SLC30A9: variants seen among roughly 807,000 people sequenced by gnomAD.
SLC30A9 encodes the protein proton-coupled zinc antiporter SLC30A9, mitochondrial.
A neutral mutation model predicts 87.5 loss-of-function variants in SLC30A9; 58 were observed. The ratio of observed to expected loss-of-function variants is 0.66; its 90% confidence interval spans 0.54 to 0.82. The LOEUF (loss-of-function observed/expected upper bound fraction) is 0.82, where lower values mean the gene tolerates loss of function less well. Among genes scored for constraint, SLC30A9 ranks in the 40% least tolerant of loss-of-function variants. SLC30A9 has a pLI of 0.00. For synonymous variants in SLC30A9, 234 were observed against 233.0 expected (o/e 1.00, Z -0.04); for missense variants, 557 against 679.1 (o/e 0.82, Z 2.00).
intron 8 of SLC30A9, among the ~76,000 whole-genome samples, chr4:42,044,865 C>T (rs1717078938): frequency 6.6e-6 from 1 of 152,232 alleles, no homozygotes. Flanking sequence ...AACAGTCTCT[C>T]AGACCACAGT....
chr4:42,068,860 G>T (rs1039825810), intron 14 of SLC30A9, among the ~76,000 whole-genome samples: 18 of 152,126 alleles, frequency 1.2e-4, no homozygotes, highest in Admixed American at 3.3e-4. Flanking sequence ...CAACCATTTA[G>T]CATGAAAAGA....
chr4:42,077,587 A>G (rs147376576), intron 16 of SLC30A9, among the ~76,000 whole-genome samples: 5,682 of 152,170 alleles, frequency 0.037, 137 homozygotes, highest in African/African-American at 0.042. Flanking sequence ...TATTTTTAGT[A>G]GAGATGGGGT....
rs1371194321 is a variant in SLC30A9, at chr4:42,089,543, G to C, written c.*3417G>C. ...GATTCAAGTGATTCTCCTGCCTCCT[G>C]AGTAGCTGGGATTACAGGCATGCGC... On this transcript the variant is annotated 3_prime_UTR_variant, in exon 18 of 18. Coordinates refer to ENST00000264451, the MANE Select transcript of SLC30A9 (RefSeq NM_006345.4). The C allele has an allele frequency of 2.0e-5, 3 of 152,202 alleles. No homozygotes were observed. Among genetic ancestry groups the C allele is most frequent in the African/African-American group, 7.2e-5 (3 of 41,406 alleles). The allele number at this position is 152,202 out of a possible 1,614,324, so 9.4% of individuals were successfully genotyped here. A position where few individuals can be genotyped will look rare whatever the true frequency, so the allele number is the denominator to read the frequency against.
chr4:42,029,321 TC>T (rs1716322018), intron 6 of SLC30A9: 2 of 525,582 alleles, frequency 3.8e-6, no homozygotes, highest in Non-Finnish European at 7.6e-6. Context: ...ATCATTCTAT[TC>T]TACATAATAT....
intron 2 of SLC30A9, among the ~76,000 whole-genome samples, chr4:42,014,914 G>A (rs1356108358): frequency 6.6e-6 from 1 of 152,170 alleles, no homozygotes; most frequent in Non-Finnish European, 1.5e-5. Context: ...GGGAAGAATA[G>A]TGGGAGGTGG....
At chr4:42,004,664 C>CTTTTTTTT (rs71198699) in intron 2 of SLC30A9, among the ~76,000 whole-genome samples, 1 of 128,322 alleles carries the variant, frequency 7.8e-6, no homozygotes. Flanking sequence ...TTTTCTTTTT[C>CTTTTTTTT]TTTTTTTTTT....
At chr4:42,001,999 A>G (rs1427699741) in intron 2 of SLC30A9, among the ~76,000 whole-genome samples, 1 of 152,014 alleles carries the variant, frequency 6.6e-6, no homozygotes, top group Non-Finnish European at 1.5e-5. Context: ...TACTTAAACT[A>G]AAATTTTAAT....
intron 8 of SLC30A9, among the ~76,000 whole-genome samples, chr4:42,047,323 T>A (rs1717202736): frequency 6.6e-6 from 1 of 152,164 alleles, no homozygotes; most frequent in Admixed American, 6.5e-5. Flanking sequence ...ATTTTTGCAA[T>A]CTATCCATCT....
chr4:42,018,722 G>C lies in SLC30A9; in HGVS notation c.334+552G>C, dbSNP rs1472690434. ...AGTGCTTACCAGCTGGCTGACCTTGGGCAATTTACTTGACTTCTCTGAGGC... is the reference window on the plus strand; with the variant it reads ...AGTGCTTACCAGCTGGCTGACCTTGCGCAATTTACTTGACTTCTCTGAGGC... On this transcript the variant is annotated intron_variant, in intron 3 of 17. Transcript: ENST00000264451. Among the ~76,000 whole-genome samples the C allele has an allele frequency of 2.0e-5, 3 of 152,106 alleles. No individual in the cohort carries two copies. The East Asian group carries it at 5.8e-4, about 29-fold the overall frequency.
intron 2 of SLC30A9, among the ~76,000 whole-genome samples, chr4:42,006,810 G>A (rs1206674755): frequency 3.3e-5 from 5 of 152,012 alleles, no homozygotes; most frequent in African/African-American, 1.2e-4. Flanking sequence ...TACAAGAGAC[G>A]GTGATCCAGC....
At chr4:42,053,767 G>A (rs928850407) in intron 9 of SLC30A9, among the ~76,000 whole-genome samples, 1 of 143,840 alleles carries the variant, frequency 7.0e-6, no homozygotes, top group Non-Finnish European at 1.5e-5. Flanking sequence ...GAAAAAATTG[G>A]AATCAACCCA....
intron 6 of SLC30A9, chr4:42,029,992 T>C (rs4861154): frequency 0.74 from 662,339 of 897,830 alleles, 253,871 homozygotes; most frequent in East Asian, 0.97. Context: ...CCTCTGCTTG[T>C]TGTACAGTTC....
At chr4:42,010,552 C>T (rs934196174) in intron 2 of SLC30A9, among the ~76,000 whole-genome samples, 3 of 152,170 alleles carry the variant, frequency 2.0e-5, no homozygotes, top group Non-Finnish European at 4.4e-5. Flanking sequence ...CACTGAAAAA[C>T]AATTGCCAAG....
At chr4:42,042,727 A>G (rs1319696339) in intron 8 of SLC30A9, among the ~76,000 whole-genome samples, 1 of 152,170 alleles carries the variant, frequency 6.6e-6, no homozygotes, top group East Asian at 1.9e-4. Flanking sequence ...GAGGTCTGCT[A>G]AGGGACAGAC....
chr4:42,059,729 C>T (rs952259500), intron 9 of SLC30A9, among the ~76,000 whole-genome samples: 10 of 149,078 alleles, frequency 6.7e-5, no homozygotes, highest in Admixed American at 6.2e-4. Context: ...TTCTTTTAAA[C>T]CTTTTCTGTG....
chr4:42,009,215 A>G (rs770030271), intron 2 of SLC30A9, among the ~76,000 whole-genome samples: 6 of 152,144 alleles, frequency 3.9e-5, no homozygotes, highest in Non-Finnish European at 8.8e-5. Context: ...TTAGAAATAC[A>G]TTGTTTATTG....
intron 8 of SLC30A9, among the ~76,000 whole-genome samples, chr4:42,043,153 A>C (rs1238872121): frequency 6.6e-6 from 1 of 152,170 alleles, no homozygotes; most frequent in Non-Finnish European, 1.5e-5. Flanking sequence ...AAATTCCAAA[A>C]ACCAGAACAC....
intron 4 of SLC30A9, among the ~76,000 whole-genome samples, chr4:42,020,950 A>G (rs915526149): frequency 6.6e-5 from 10 of 152,222 alleles, no homozygotes; most frequent in Non-Finnish European, 1.3e-4. Flanking sequence ...TCTGTTGAGT[A>G]TAAATTATTT....
At chr4:42,030,597 T>G (rs79388448) in intron 6 of SLC30A9, among the ~76,000 whole-genome samples, 2 of 27,960 alleles carry the variant, frequency 7.2e-5, no homozygotes, top group Non-Finnish European at 5.7e-4. Context: ...TTTTTTTTTT[T>G]TTGGGCTCTT....
Sources: gnomAD v4.1 joint callset for allele counts (sites outside exome capture counted in the v4.1 genomes callset) on GRCh38, gnomAD v4.1.1 for gene constraint, MANE v1.5 for transcripts, NCBI Gene and HGNC (gene_info 2026-07-23, HGNC 2026-07-21) for gene names.